The following SCHIP1 variants were observed in gnomAD, a reference collection of about 807,000 sequenced individuals.
The protein encoded by SCHIP1 is schwannomin interacting protein 1, also known as schwannomin-interacting protein 1.
Under a neutral mutation model 29.7 loss-of-function variants are expected in SCHIP1, and 8 were observed. That is an observed-to-expected ratio of 0.27 (90% CI 0.16 to 0.49). The LOEUF (loss-of-function observed/expected upper bound fraction) is 0.49, where lower values mean the gene tolerates loss of function less well. Ranked by LOEUF, SCHIP1 falls within the 20% of genes least tolerant of loss-of-function variation. The pLI is 0.99. For synonymous variants in SCHIP1, 76 were observed against 94.9 expected, an observed-to-expected ratio of 0.80 and a Z score of 1.16; for missense variants, 193 against 294.6, an observed-to-expected ratio of 0.66 and a Z score of 2.52.
chr3:159,738,203 C>T, the SCHIP1 span, among the ~76,000 whole-genome samples: 16 of 150,156 alleles, frequency 1.1e-4, no homozygotes, highest in Non-Finnish European at 1.8e-4. Context: ...AAAAGTCAAT[C>T]TTTTAGAAAT....
chr3:159,588,025 A>C, the SCHIP1 span, among the ~76,000 whole-genome samples: 67 of 152,242 alleles, frequency 4.4e-4, no homozygotes, highest in African/African-American at 1.6e-3. Flanking sequence ...CTAGTTCTAG[A>C]TCCCTGAGAA....
rs1022368416 is a variant in SCHIP1 at position 159,853,530 on chromosome 3, G to T, written c.31-12633G>T. The T allele has an allele frequency of 2.8e-5, 17 of 608,448 alleles. No homozygotes were observed. The African/African-American group carries it at 3.0e-4, about 11-fold the overall frequency. 37.7% of individuals were successfully genotyped at this position (608,448 alleles called of 1,614,324 possible). A position where few individuals can be genotyped will look rare whatever the true frequency, so the allele number is the denominator to read the frequency against. Reference sequence around the variant, plus strand: ...TAACTGGAGAAAGATCACCCTTGAGGAGTGGCCAAATTCCACACTCAGTGG... The same window carrying T: ...TAACTGGAGAAAGATCACCCTTGAGTAGTGGCCAAATTCCACACTCAGTGG... On this transcript the variant is annotated intron_variant, in intron 1 of 6. Transcript: ENST00000445224.
the SCHIP1 span, chr3:159,765,397 C>T: frequency 5.7e-3 from 2,507 of 438,572 alleles, 49 homozygotes; most frequent in African/African-American, 0.044. Context: ...TTAGTGGAAC[C>T]GGCGACTCAT....
At chr3:159,348,240 C>T in the SCHIP1 span, among the ~76,000 whole-genome samples, 1 of 152,024 alleles carries the variant, frequency 6.6e-6, no homozygotes, top group African/African-American at 2.4e-5. Flanking sequence ...TACCACATAC[C>T]TGCCATCAGA....
the SCHIP1 span, among the ~76,000 whole-genome samples, chr3:159,733,801 TCTC>T: frequency 1.3e-4 from 20 of 152,322 alleles, no homozygotes; most frequent in Admixed American, 3.9e-4. Flanking sequence ...GTTCCTCTCT[TCTC>T]CTCCGACTTC....
the SCHIP1 span, chr3:159,721,780 T>C: frequency 2.1e-4 from 92 of 443,682 alleles, no homozygotes; most frequent in African/African-American, 1.7e-3. Flanking sequence ...GTTCTGCTGT[T>C]CTTCCCCAGC....
chr3:159,581,914 G>A, the SCHIP1 span, among the ~76,000 whole-genome samples: 4 of 152,060 alleles, frequency 2.6e-5, no homozygotes, highest in African/African-American at 9.7e-5. Context: ...ATGAAGCTGT[G>A]TCTATATAGA....
chr3:159,750,284 TATATATATATATAC>T, the SCHIP1 span, among the ~76,000 whole-genome samples: 2 of 60,986 alleles, frequency 3.3e-5, no homozygotes, highest in African/African-American at 4.6e-5. Context: ...TATATATATA[TATATATATATATAC>T]ACACACACAC....
the SCHIP1 span, among the ~76,000 whole-genome samples, chr3:159,334,906 T>C: frequency 1.3e-5 from 2 of 151,902 alleles, no homozygotes; most frequent in Non-Finnish European, 2.9e-5. Flanking sequence ...TCTTCTTTTT[T>C]TTTTTTAATT....
At chr3:159,846,531 G>T (rs1018836122) in intron 1 of SCHIP1, among the ~76,000 whole-genome samples, 10 of 152,098 alleles carry the variant, frequency 6.6e-5, no homozygotes, top group Non-Finnish European at 1.3e-4. Context: ...AGAAAACAAA[G>T]TATCAAATTT....
At chr3:159,356,151 A>G in the SCHIP1 span, among the ~76,000 whole-genome samples, 1 of 152,154 alleles carries the variant, frequency 6.6e-6, no homozygotes, top group African/African-American at 2.4e-5. Context: ...TGGCACATGT[A>G]TACATATGTA....
At chr3:159,479,954 A>C in the SCHIP1 span, among the ~76,000 whole-genome samples, 6 of 152,292 alleles carry the variant, frequency 3.9e-5, no homozygotes, top group African/African-American at 1.4e-4. Context: ...GTTGGGGAAA[A>C]TTGTTAGGCT....
At chr3:159,714,461 G>A in the SCHIP1 span, among the ~76,000 whole-genome samples, 1 of 152,206 alleles carries the variant, frequency 6.6e-6, no homozygotes, top group Non-Finnish European at 1.5e-5. Context: ...CCCGGGAAGT[G>A]CAGCGCAAGA....
the SCHIP1 span, among the ~76,000 whole-genome samples, chr3:159,813,767 T>C: frequency 6.6e-6 from 1 of 152,154 alleles, no homozygotes; most frequent in African/African-American, 2.4e-5. Flanking sequence ...TCTGTATTGA[T>C]TATTGATCAC....
chr3:159,435,318 T>A, the SCHIP1 span, among the ~76,000 whole-genome samples: 3 of 152,170 alleles, frequency 2.0e-5, no homozygotes, highest in Non-Finnish European at 2.9e-5. Context: ...TGTAAGTTGT[T>A]GTTATTATTA....
At chr3:159,792,759 C>A in the SCHIP1 span, among the ~76,000 whole-genome samples, 8 of 151,994 alleles carry the variant, frequency 5.3e-5, no homozygotes, top group South Asian at 4.2e-4. Context: ...ATTTTTCAGG[C>A]CTTTGGTTTT....
the SCHIP1 span, among the ~76,000 whole-genome samples, chr3:159,436,444 TTTG>T: frequency 6.6e-6 from 1 of 152,104 alleles, no homozygotes. Context: ...TAGCAGAGAA[TTTG>T]TCTCCATATA....
At chr3:159,639,819 G>A in the SCHIP1 span, among the ~76,000 whole-genome samples, 104 of 152,262 alleles carry the variant, frequency 6.8e-4, no homozygotes, top group South Asian at 0.01. Context: ...ATTATGTGAC[G>A]CTGGACAACT....
the SCHIP1 span, among the ~76,000 whole-genome samples, chr3:159,732,544 G>T: frequency 6.6e-6 from 1 of 152,194 alleles, no homozygotes; most frequent in African/African-American, 2.4e-5. Flanking sequence ...AGAAGTTTGA[G>T]TTGAAGGAAA....
Sources: gnomAD v4.1 joint callset for allele counts (sites outside exome capture counted in the v4.1 genomes callset) on GRCh38, gnomAD v4.1.1 for gene constraint, MANE v1.5 for transcripts, NCBI Gene and HGNC (gene_info 2026-07-23, HGNC 2026-07-21) for gene names.